TAF4B: variants seen among roughly 807,000 people sequenced by gnomAD.
The protein encoded by TAF4B is TATA-box binding protein associated factor 4b.
A neutral mutation model predicts 86.4 loss-of-function variants in TAF4B; 38 were observed. The ratio of observed to expected loss-of-function variants is 0.44; its 90% CI spans 0.34 to 0.58. The LOEUF (loss-of-function observed/expected upper bound fraction) is 0.58. Among genes scored for constraint, TAF4B ranks in the 20% least tolerant of loss-of-function variants. The pLI, the probability that TAF4B is intolerant of heterozygous loss-of-function variation, is 0.02. For missense variants in TAF4B, 988 were observed against 1,027.6 expected, an observed-to-expected ratio of 0.96 and a Z score of 0.53; for synonymous variants, 388 against 391.2, an observed-to-expected ratio of 0.99 and a Z score of 0.10.
chr18:26,329,651 T>G (rs568463727), intron 12 of TAF4B, among the ~76,000 whole-genome samples: 1 of 152,236 alleles, frequency 6.6e-6, no homozygotes, highest in Non-Finnish European at 1.5e-5. Context: ...CAACCAGGGC[T>G]CATCTGATCT....
At position 26,286,275 on chromosome 18, in the gene TAF4B, G is replaced by C. The variant is rs577643770; in HGVS notation, c.1366G>C (p.Val456Leu). Residue 456 changes from valine (V) to leucine (L), a missense_variant, in exon 7 of 15, where the codon GTT becomes CTT. Coordinates refer to ENST00000269142, the MANE Select transcript of TAF4B (RefSeq NM_005640.3). ...TTVSLQPEKP[V>L]VSGTAVTLSL... Reference sequence around the variant, plus strand: ...GGTCTCACTGCAACCTGAAAAGCCAGTTGTCTCTGGAACAGCAGTAACACT... The same window carrying C: ...GGTCTCACTGCAACCTGAAAAGCCACTTGTCTCTGGAACAGCAGTAACACT... 7 of 1,614,108 alleles carry C rather than the reference G, an allele frequency of 4.3e-6. No individual in the cohort carries two copies. The African/African-American group carries it at 9.3e-5, about 22-fold the overall frequency.
chr18:26,247,647 C>T (rs559417653), intron 1 of TAF4B, among the ~76,000 whole-genome samples: 66 of 151,738 alleles, frequency 4.3e-4, no homozygotes, highest in African/African-American at 1.5e-3. Context: ...TTTGGGAGGC[C>T]GAGGCAGGCA....
intron 13 of TAF4B, among the ~76,000 whole-genome samples, chr18:26,357,151 C>T (rs1451967432): frequency 2.0e-5 from 3 of 151,926 alleles, no homozygotes; most frequent in African/African-American, 4.8e-5. Flanking sequence ...ATGAAGTTGC[C>T]CTAACCTCTT....
intron 2 of TAF4B, chr18:26,266,154 C>G (rs1219274199): frequency 6.6e-6 from 1 of 151,882 alleles, no homozygotes; most frequent in Admixed American, 6.6e-5. Context: ...CTCTTGTTAC[C>G]CAGGCTGGAG....
chr18:26,358,554 T>C (rs2057306382), intron 14 of TAF4B, among the ~76,000 whole-genome samples: 1 of 151,832 alleles, frequency 6.6e-6, no homozygotes, highest in African/African-American at 2.4e-5. Flanking sequence ...ACTAAAAATA[T>C]AAAAAATTAG....
chr18:26,229,589 G>A (rs986241758), intron 1 of TAF4B, among the ~76,000 whole-genome samples: 2 of 146,222 alleles, frequency 1.4e-5, no homozygotes, highest in African/African-American at 5.1e-5. Flanking sequence ...TGCAACCTCC[G>A]CCTCCCGGGT....
chr18:26,369,798 A>G (rs932902809), intron 14 of TAF4B, among the ~76,000 whole-genome samples: 1 of 152,222 alleles, frequency 6.6e-6, no homozygotes, highest in African/African-American at 2.4e-5. Flanking sequence ...CATATTTTGT[A>G]TCATTTATAG....
intron 13 of TAF4B, among the ~76,000 whole-genome samples, chr18:26,340,472 G>A (rs757738823): frequency 6.6e-5 from 10 of 152,144 alleles, no homozygotes; most frequent in Non-Finnish European, 1.2e-4. Context: ...TTCTTAAAAT[G>A]ACAAGTTATA....
intron 14 of TAF4B, among the ~76,000 whole-genome samples, chr18:26,382,934 T>TG (rs773408180): frequency 6.6e-6 from 1 of 152,212 alleles, no homozygotes; most frequent in Non-Finnish European, 1.5e-5. Flanking sequence ...TTGTAGGCAC[T>TG]GGGGACACTT....
At chr18:26,273,741 C>T (rs989707577) in intron 3 of TAF4B, among the ~76,000 whole-genome samples, 1 of 152,166 alleles carries the variant, frequency 6.6e-6, no homozygotes, top group Admixed American at 6.6e-5. Context: ...AGTACATATT[C>T]CAGTCTCTCT....
At chr18:26,256,378 CT>C in intron 1 of TAF4B, 1 of 1,343,372 alleles carries the variant, frequency 7.4e-7, no homozygotes, top group Non-Finnish European at 1.1e-6. Context: ...GGGCAAAAGT[CT>C]TCCAAAAGCA....
Position 26,242,124 on chromosome 18 carries a change from A to C in TAF4B, c.343+14848A>C, listed in dbSNP as rs374910205. ...GCCTGCTTGGTGCAGAGCTGAGTTC[A>C]AGTCCTGGATATCCTTGTTAACTTT... On this transcript the variant is annotated intron_variant, in intron 1 of 14. Transcript: ENST00000269142. 6.5e-4 allele frequency among the ~76,000 whole-genome samples: 99 copies of C among 152,290 alleles called. 4 individuals are homozygous for C. The East Asian group carries it at 0.013, about 19-fold the overall frequency.
At chr18:26,363,817 A>G (rs1397605525) in intron 14 of TAF4B, among the ~76,000 whole-genome samples, 1 of 152,220 alleles carries the variant, frequency 6.6e-6, no homozygotes, top group African/African-American at 2.4e-5. Context: ...TTTTAGAATC[A>G]GCATATAATC....
intron 5 of TAF4B, among the ~76,000 whole-genome samples, chr18:26,276,375 A>T (rs2056384620): frequency 6.6e-6 from 1 of 152,230 alleles, no homozygotes; most frequent in Non-Finnish European, 1.5e-5. Context: ...TATGCTTAAG[A>T]CATGCTGAGG....
intron 13 of TAF4B, among the ~76,000 whole-genome samples, chr18:26,353,860 C>T (rs1239858463): frequency 6.6e-6 from 1 of 152,080 alleles, no homozygotes; most frequent in East Asian, 1.9e-4. Context: ...TGATGCAGTC[C>T]AATTTGCCAA....
At chr18:26,262,720 A>G (rs1022642662) in intron 1 of TAF4B, among the ~76,000 whole-genome samples, 1 of 152,184 alleles carries the variant, frequency 6.6e-6, no homozygotes, top group East Asian at 1.9e-4. Context: ...GCCTCAAGTG[A>G]TCTGCCTGCC....
At chr18:26,366,388 G>A (rs2057371462) in intron 14 of TAF4B, 1 of 152,162 alleles carries the variant, frequency 6.6e-6, no homozygotes, top group Non-Finnish European at 1.5e-5. Flanking sequence ...TTTAGTATAT[G>A]TGCTGTCAAA....
chr18:26,327,331 G>A (rs558285266), intron 12 of TAF4B, among the ~76,000 whole-genome samples, 191 bp downstream of exon 12: 2 of 152,238 alleles, frequency 1.3e-5, no homozygotes, highest in African/African-American at 4.8e-5. Flanking sequence ...AGTTTAATGA[G>A]TCATAATCTT....
chr18:26,247,615 TCA>T (rs2055945770), intron 1 of TAF4B, among the ~76,000 whole-genome samples: 1 of 152,144 alleles, frequency 6.6e-6, no homozygotes, highest in South Asian at 2.1e-4. Flanking sequence ...GCATGGTGAC[TCA>T]CATCTTGTAA....
Sources: gnomAD v4.1 joint callset for allele counts (sites outside exome capture counted in the v4.1 genomes callset) on GRCh38, gnomAD v4.1.1 for gene constraint, MANE v1.5 for transcripts, NCBI Gene and HGNC (gene_info 2026-07-23, HGNC 2026-07-21) for gene names.